ARHGAP1: variants seen among roughly 807,000 people sequenced by gnomAD.
ARHGAP1 encodes rho GTPase-activating protein 1.
In ARHGAP1, 23 loss-of-function variants were observed where a neutral mutation model predicts 52.2. The ratio of observed to expected loss-of-function variants is 0.44; its 90% CI spans 0.32 to 0.62. ARHGAP1 has a LOEUF of 0.62. Ranked by LOEUF, ARHGAP1 falls within the 20% of genes least tolerant of loss-of-function variation. The pLI, the probability that ARHGAP1 is intolerant of heterozygous loss-of-function variation, is 0.05. For synonymous variants in ARHGAP1, 210 were observed against 228.4 expected, an observed-to-expected ratio of 0.92 and a Z score of 0.73; for missense variants, 480 against 560.9, an observed-to-expected ratio of 0.86 and a Z score of 1.46.
At position 46,680,252 on chromosome 11, in the gene ARHGAP1, G is replaced by A. The variant is rs747370135; in HGVS notation, c.851C>T (p.Ser284Leu). Residue 284 changes from serine to leucine, a missense_variant, in exon 10 of 13, where the codon TCG becomes TTG. Ser to Leu is a moderately radical substitution (Grantham distance 145). Transcript: ENST00000311956. This position sits in a 1 kb window ranked among gnomAD's most constrained non-coding sequence, Gnocchi z 5.9. Reference protein sequence around the residue: ...ALTTEGIFRRSANTQVVREVQ... With the variant: ...ALTTEGIFRRLANTQVVREVQ... Reference sequence around the variant, plus strand: ...TTCCCGGACCACTTGGGTGTTGGCCGACCTCCGGAAGATGCCCTCGGTGGT... The same window carrying A: ...TTCCCGGACCACTTGGGTGTTGGCCAACCTCCGGAAGATGCCCTCGGTGGT... The A allele has an allele frequency of 5.6e-6, 9 of 1,613,994 alleles. No homozygotes were observed. The highest frequency in any genetic ancestry group is 1.7e-5 in the Admixed American group (1 of 60,010).
Position 46,678,086 on chromosome 11 carries a change from TC to T in ARHGAP1, c.*950del. ...GTCTCTACCCCAGCCCCTTTAAGAG[TC>T]CCCCAGCTGGAGGAAGGAGCCATAA... On this transcript the variant is annotated 3_prime_UTR_variant, in exon 13 of 13. Coordinates refer to ENST00000311956, the MANE Select transcript of ARHGAP1 (RefSeq NM_004308.5). 3 of 298,472 alleles carry T rather than the reference TC, an allele frequency of 1.0e-5. No individual in the cohort carries two copies. The highest frequency in any genetic ancestry group is 2.0e-5 in the Non-Finnish European group (3 of 151,058). 18.5% of individuals were successfully genotyped at this position (298,472 alleles called of 1,614,324 possible).
In ARHGAP1 at chr11:46,680,722, G is replaced by A. The variant is rs772878297; in HGVS notation, c.661C>T (p.Gln221Ter). The A allele has an allele frequency of 1.9e-6, 3 of 1,563,450 alleles. No homozygotes were observed. Among genetic ancestry groups the A allele is most frequent in the East Asian group, 4.5e-5 (2 of 44,506 alleles). The change falls in exon 8 of 13, where the codon CAG becomes TAG. Residue 221 changes from glutamine (Q) to a stop codon, truncating the protein, a stop_gained. Coordinates refer to ENST00000311956, the MANE Select transcript of ARHGAP1 (RefSeq NM_004308.5). LOFTEE classifies it high-confidence loss of function. This position sits in a 1 kb window ranked among gnomAD's most constrained non-coding sequence, Gnocchi z 5.9. Reference protein sequence around the residue: ...LKYDDFLKSTQKSPATAPKPM... With the variant: ...LKYDDFLKST ...TTGGGGGCTGTCGCGGGGCTCTTCT[G>A]TGTGGATTTCAGGAAGTCGTCATAT...
rs554511367 is a variant in ARHGAP1, at chr11:46,681,587, C to T, written c.450-208G>A. On this transcript the variant is annotated intron_variant, in intron 5 of 12. Transcript: ENST00000311956. This position sits in a 1 kb window ranked among gnomAD's most constrained non-coding sequence, Gnocchi z 5.7. ...TAACTAGGATTACAGGCACCCACCA[C>T]CACACCTAGCTAATTTTTGTATTTT... is the stretch of plus-strand genomic sequence containing the variant. 47 of 519,830 alleles carry T rather than the reference C, an allele frequency of 9.0e-5. No individual in the cohort carries two copies. The highest frequency in any genetic ancestry group is 4.4e-4 in the African/African-American group (23 of 51,964). The allele number at this position is 519,830 out of a possible 1,614,324, so 32.2% of individuals were successfully genotyped here. A position where few individuals can be genotyped will look rare whatever the true frequency, so the allele number is the denominator to read the frequency against.
Position 46,696,903 on chromosome 11 carries a change from C to T in ARHGAP1, c.-49-747G>A, listed in dbSNP as rs1042295843. 3 of 152,208 alleles carry T rather than the reference C, an allele frequency of 2.0e-5. No homozygotes were observed. The highest frequency in any genetic ancestry group is 2.1e-4 in the South Asian group (1 of 4,830). 9.4% of individuals were successfully genotyped at this position (152,208 alleles called of 1,614,324 possible). A position where few individuals can be genotyped will look rare whatever the true frequency, so the allele number is the denominator to read the frequency against. ...AAAAATAAAAAAATAAAAGCTATGGCTGAGGGGCCCAGCTGGGCTTGCTCC... is the reference window on the plus strand; with the variant it reads ...AAAAATAAAAAAATAAAAGCTATGGTTGAGGGGCCCAGCTGGGCTTGCTCC... On this transcript the variant is annotated intron_variant, in intron 1 of 12. Coordinates refer to ENST00000311956, the MANE Select transcript of ARHGAP1 (RefSeq NM_004308.5). The surrounding 1 kb of genome is among the most constrained non-coding windows in gnomAD (Gnocchi z 4.8).
At position 46,680,317 on chromosome 11, in the gene ARHGAP1, G is replaced by C; in HGVS notation, c.821-35C>G. On this transcript the variant is annotated intron_variant, in intron 9 of 12. Transcript: ENST00000311956. The surrounding 1 kb of genome is among the most constrained non-coding windows in gnomAD (Gnocchi z 5.9). ...AGTAGGGCCTGGTGAGCCTCCGAGC[G>C]CTGGGCACCGGCTGGATTCCCTGCC... 6.2e-7 allele frequency: 1 copy of C among 1,608,892 alleles called. No homozygotes were observed. Among genetic ancestry groups the C allele is most frequent in the Non-Finnish European group, 8.5e-7 (1 of 1,175,568 alleles).
chr11:46,679,533 C>A lies in ARHGAP1; in HGVS notation c.1028-65G>T. On this transcript the variant is annotated intron_variant, in intron 11 of 12. Transcript: ENST00000311956. The surrounding 1 kb of genome is among the most constrained non-coding windows in gnomAD (Gnocchi z 4.4). Reference sequence around the variant, plus strand: ...TGGGCTGGTTCAGGACGCTCTGATGCAGGCTAGAGGGGAGACCCCCAGCAG... The same window carrying A: ...TGGGCTGGTTCAGGACGCTCTGATGAAGGCTAGAGGGGAGACCCCCAGCAG... 8.1e-6 allele frequency: 13 copies of A among 1,607,476 alleles called. No homozygotes were observed. In the South Asian group the frequency reaches 1.4e-4, roughly 18 times the overall value.
chr11:46,689,075 G>C (rs947520238), intron 3 of ARHGAP1, among the ~76,000 whole-genome samples: 2 of 141,860 alleles, frequency 1.4e-5, no homozygotes, highest in Non-Finnish European at 3.1e-5. Flanking sequence ...CAGAGCAAGA[G>C]TGTCTCAAAA....
rs1303488052 is a variant in ARHGAP1, at chr11:46,680,657, A to C, written c.726T>G (p.Phe242Leu). The C allele has an allele frequency of 2.5e-6, 4 of 1,611,690 alleles. No individual in the cohort carries two copies. The highest frequency in any genetic ancestry group is 3.4e-6 in the Non-Finnish European group (4 of 1,178,432). ...ATACTTACTGCTGCAGCGAGACTCC[A>C]AACTGCTGGTTGGGCAGGGGGGGCC... The part of the protein sequence containing the change: ...PPRPPLPNQQ[F>L]GVSLQHLQEK... The change falls in exon 8 of 13, where the codon TTT (phenylalanine) becomes TTG (leucine). Residue 242 changes from phenylalanine (F) to leucine (L), a missense_variant. Transcript: ENST00000311956. The surrounding 1 kb of genome is among the most constrained non-coding windows in gnomAD (Gnocchi z 5.9).
rs1592382847 is a variant in ARHGAP1 at position 46,679,417 on chromosome 11, A to C, written c.1079T>G (p.Leu360Arg). 4 of 1,614,220 alleles carry C rather than the reference A, an allele frequency of 2.5e-6. No individual in the cohort carries two copies. The highest frequency in any genetic ancestry group is 3.4e-6 in the Non-Finnish European group (4 of 1,180,042). The change falls in exon 12 of 13, where the codon CTG (leucine) becomes CGG (arginine). Residue 360 changes from leucine to arginine, a missense_variant. Physicochemically the swap from Leu to Arg is moderately radical, Grantham distance 102. Transcript: ENST00000311956. The surrounding 1 kb of genome is among the most constrained non-coding windows in gnomAD (Gnocchi z 4.4). ...AAGCACCTGGTAGTTCTCCTCGGGC[A>C]GCGTCTGGAGGACCTGCAGTGTCGC... ...VPATLQVLQT[L>R]PEENYQVLRF...
chr11:46,688,473 TA>T (rs1035164375), intron 3 of ARHGAP1, among the ~76,000 whole-genome samples: 3 of 150,706 alleles, frequency 2.0e-5, no homozygotes, highest in East Asian at 3.9e-4. Context: ...GCTGGGGTAT[TA>T]AAAAAAAAGT....
chr11:46,693,001 C>T (rs1592391304), intron 3 of ARHGAP1, among the ~76,000 whole-genome samples: 1 of 152,094 alleles, frequency 6.6e-6, no homozygotes, highest in Non-Finnish European at 1.5e-5. Flanking sequence ...TACAGGCGCC[C>T]GCCACCACGC....
intron 4 of ARHGAP1, among the ~76,000 whole-genome samples, chr11:46,682,803 G>A (rs2064539090): frequency 6.6e-6 from 1 of 152,206 alleles, no homozygotes; most frequent in Admixed American, 6.5e-5. Flanking sequence ...CGTTTCCCCT[G>A]AATCAGGGAT....
At chr11:46,691,294 TTC>T (rs2064613550) in intron 3 of ARHGAP1, among the ~76,000 whole-genome samples, 1 of 152,046 alleles carries the variant, frequency 6.6e-6, no homozygotes, top group Non-Finnish European at 1.5e-5. Context: ...GTGTTTGTTC[TTC>T]TTTTTTTTCT....
intron 3 of ARHGAP1, 122 bp from the exon 4 acceptor site, chr11:46,688,382 T>C: frequency 1.0e-6 from 1 of 984,194 alleles, no homozygotes; most frequent in Middle Eastern, 2.2e-4. Flanking sequence ...AGAGTGCCCA[T>C]GCAGACAGAC....
At chr11:46,685,965 T>C (rs1185284000) in intron 4 of ARHGAP1, among the ~76,000 whole-genome samples, 2 of 146,044 alleles carry the variant, frequency 1.4e-5, no homozygotes, top group Non-Finnish European at 3.0e-5. Context: ...TGAGCCACCG[T>C]ACCCGGACTT....
In ARHGAP1 at chr11:46,688,221, G is replaced by A; in HGVS notation, c.269C>T (p.Ala90Val). Residue 90 changes from alanine (A) to valine (V), a missense_variant, in exon 4 of 13, where the codon GCC becomes GTC. Physicochemically the swap from Ala to Val is moderately conservative, Grantham distance 64 (BLOSUM62 0). Transcript: ENST00000311956. ...CTGGTGGCTGGGGGGCATTCGACAG[G>A]CACTAAACACAATGATCTTCCGCCC... ...KYGRKIIVFS[A>V]CRMPPSHQLD... 6.2e-7 allele frequency: 1 copy of A among 1,614,058 alleles called. No individual in the cohort carries two copies. Among genetic ancestry groups the A allele is most frequent in the Non-Finnish European group, 8.5e-7 (1 of 1,179,988 alleles).
rs2064482858 is a variant in ARHGAP1, at chr11:46,677,136, T to C, written c.*1901A>G. 1 of 152,656 alleles carries C rather than the reference T, an allele frequency of 6.6e-6. No individual in the cohort carries two copies. The highest frequency in any genetic ancestry group is 1.5e-5 in the Non-Finnish European group (1 of 68,046). The allele number at this position is 152,656 out of a possible 1,614,324, so 9.5% of individuals were successfully genotyped here. A position where few individuals can be genotyped will look rare whatever the true frequency, so the allele number is the denominator to read the frequency against. ...AAGTGCAAACGGTGAAATACATGAT[T>C]GGTGCCAAGGAAGTCATTAAGTGTG... is the stretch of plus-strand genomic sequence containing the variant. On this transcript the variant is annotated 3_prime_UTR_variant, in exon 13 of 13. Transcript: ENST00000311956.
rs73454028 is a variant in ARHGAP1 at position 46,696,331 on chromosome 11, G to A, written c.-49-175C>T. On this transcript the variant is annotated intron_variant, in intron 1 of 12. Transcript: ENST00000311956. This position sits in a 1 kb window ranked among gnomAD's most constrained non-coding sequence, Gnocchi z 4.8. The stretch of plus-strand genomic sequence containing the variant: ...CGTAGCTCTGGGTTCTCCTGGCTCC[G>A]TGGCTCAGGCGTGTTGCCAGAAAAG... Among the ~76,000 whole-genome samples the A allele has an allele frequency of 2.0e-3, 309 of 152,174 alleles. 2 individuals carry two copies. Among genetic ancestry groups the A allele is most frequent in the African/African-American group, 7.0e-3 (291 of 41,512 alleles).
chr11:46,683,588 G>T (rs2064544871), intron 4 of ARHGAP1, among the ~76,000 whole-genome samples: 1 of 151,814 alleles, frequency 6.6e-6, no homozygotes, highest in African/African-American at 2.4e-5. Flanking sequence ...TGAGAGTTAT[G>T]GATGGAATGA....
Sources: allele counts gnomAD v4.1 joint callset (sites outside exome capture counted in the v4.1 genomes callset), GRCh38; gene constraint gnomAD v4.1.1; non-coding constraint Gnocchi (gnomAD v3.1); transcripts MANE v1.5; gene names NCBI Gene and HGNC (gene_info 2026-07-23, HGNC 2026-07-21).